Variants in KCNMA1 observed in about 807,000 individuals in gnomAD.
KCNMA1 encodes the protein potassium calcium-activated channel subfamily M alpha 1.
KCNMA1 carries 29 observed loss-of-function variants against 140.0 expected under a neutral mutation model. That is an observed-to-expected ratio of 0.21 (90% CI 0.15 to 0.28). The LOEUF (loss-of-function observed/expected upper bound fraction) is 0.28, where lower values mean the gene tolerates loss of function less well. Among genes scored for constraint, KCNMA1 ranks in the 10% least tolerant of loss-of-function variants. The probability of loss-of-function intolerance (pLI) is 1.00; values close to 1 mark genes in which losing one functional copy is unlikely to be tolerated. For missense variants in KCNMA1, 880 were observed against 1,602.2 expected (o/e 0.55, Z 7.70); for synonymous variants, 612 against 611.9 (o/e 1.00, Z 0.00).
chr10:77,505,871 C>CA (rs1234100036), intron 1 of KCNMA1, among the ~76,000 whole-genome samples: 3 of 152,158 alleles, frequency 2.0e-5, no homozygotes, highest in African/African-American at 7.2e-5. Flanking sequence ...TCAGAAATGA[C>CA]AGAGTCACGA....
chr10:77,055,710 T>C (rs2095520099), intron 14 of KCNMA1, among the ~76,000 whole-genome samples: 1 of 152,172 alleles, frequency 6.6e-6, no homozygotes, highest in Admixed American at 6.5e-5. Flanking sequence ...CTTCTACCAG[T>C]TGGCCCCAGA....
rs896607532 is a variant in KCNMA1 at position 77,464,631 on chromosome 10, A to G, written c.379-60608T>C. 2.6e-5 allele frequency among the ~76,000 whole-genome samples: 4 copies of G among 152,088 alleles called. No individual in the cohort carries two copies. The East Asian group carries it at 7.8e-4, about 30-fold the overall frequency. On this transcript the variant is annotated intron_variant, in intron 1 of 27. Coordinates refer to ENST00000286628, the MANE Select transcript of KCNMA1 (RefSeq NM_001161352.2). Reference sequence around the variant, plus strand: ...GAAATGTGGCTTCTGGGGCTCAGAGAGGTTAAGTGAGTGGGTCAGAGTCAC... The same window carrying G: ...GAAATGTGGCTTCTGGGGCTCAGAGGGGTTAAGTGAGTGGGTCAGAGTCAC...
intron 3 of KCNMA1, among the ~76,000 whole-genome samples, chr10:77,193,432 A>T (rs1053558729): frequency 2.6e-5 from 4 of 152,142 alleles, no homozygotes; most frequent in Non-Finnish European, 5.9e-5. Context: ...TGACTGACCA[A>T]TTCTACTCAC....
chr10:77,556,502 CAAAAA>C (rs11446237), intron 1 of KCNMA1, among the ~76,000 whole-genome samples: 11,048 of 68,634 alleles, frequency 0.16, 544 homozygotes, highest in Middle Eastern at 0.3. Flanking sequence ...GGGACTATCT[CAAAAA>C]AAAAAAAAAA....
At chr10:76,882,472 A>G (rs1216392841), downstream of KCNMA1, among the ~76,000 whole-genome samples, 2 of 151,922 alleles carry the variant, frequency 1.3e-5, no homozygotes, top group Admixed American at 6.6e-5. Flanking sequence ...TGCCCAGCAA[A>G]CCCTGATGCC....
intron 1 of KCNMA1, among the ~76,000 whole-genome samples, chr10:77,539,145 T>C (rs2059598839): frequency 6.6e-6 from 1 of 152,184 alleles, no homozygotes; most frequent in Non-Finnish European, 1.5e-5. Flanking sequence ...AGAGCATATG[T>C]CTCTGAGGAA....
chr10:77,008,142 G>T (rs1477485134), intron 18 of KCNMA1: 1 of 1,521,466 alleles, frequency 6.6e-7, no homozygotes, highest in Middle Eastern at 1.7e-4. Context: ...GAGAAAGACA[G>T]GGGGAACTGG....
rs537787202 is a variant in KCNMA1 at position 77,364,938 on chromosome 10, C to A, written c.540+38924G>T. ...AATAGGAACCGGGCTAGAATCTGAA[C>A]CTGCTTACAAAGCTAGTCCTTTTCC... On this transcript the variant is annotated intron_variant, in intron 2 of 27. Transcript: ENST00000286628. Among the ~76,000 whole-genome samples, 24 of 152,328 alleles carry A rather than the reference C, an allele frequency of 1.6e-4. No homozygotes were observed. In the Middle Eastern group the frequency reaches 0.01, roughly 65 times the overall value.
intron 1 of KCNMA1, among the ~76,000 whole-genome samples, chr10:77,506,074 G>A (rs2045692325): frequency 6.6e-6 from 1 of 152,162 alleles, no homozygotes; most frequent in Admixed American, 6.5e-5. Context: ...TTTCCTCTTA[G>A]GGAATTGTAA....
chr10:77,408,707 AGAGGT>A (rs2096551490), intron 1 of KCNMA1, among the ~76,000 whole-genome samples: 1 of 152,186 alleles, frequency 6.6e-6, no homozygotes, highest in Non-Finnish European at 1.5e-5. Context: ...GAGAAAAATG[AGAGGT>A]GAGGCCATCG....
intron 19 of KCNMA1, among the ~76,000 whole-genome samples, chr10:76,988,433 TGAGAG>T (rs2081878370): frequency 6.6e-6 from 1 of 151,844 alleles, no homozygotes; most frequent in Admixed American, 6.6e-5. Flanking sequence ...GAGGCTGAGG[TGAGAG>T]GATTGCTTGA....
rs535758720 is a variant in KCNMA1 at position 77,307,392 on chromosome 10, C to T, written c.541-56136G>A. ...TCAGAAGAAGCTGTACTTCAAGTAC[C>T]CATACGACCATTTTGTTTCCTACTT... On this transcript the variant is annotated intron_variant, in intron 2 of 27. Coordinates refer to ENST00000286628, the MANE Select transcript of KCNMA1 (RefSeq NM_001161352.2). Among the ~76,000 whole-genome samples the T allele has an allele frequency of 2.6e-5, 4 of 152,260 alleles. No individual in the cohort carries two copies. The East Asian group carries it at 5.8e-4, about 22-fold the overall frequency.
In KCNMA1 at chr10:77,365,700, C is replaced by T. The variant is rs1603425460; in HGVS notation, c.540+38162G>A. Among the ~76,000 whole-genome samples, 6 of 152,274 alleles carry T rather than the reference C, an allele frequency of 3.9e-5. No homozygotes were observed. In the South Asian group the frequency reaches 1.2e-3, roughly 32 times the overall value. On this transcript the variant is annotated intron_variant, in intron 2 of 27. Coordinates refer to ENST00000286628, the MANE Select transcript of KCNMA1 (RefSeq NM_001161352.2). ...CATCCTTTTATAGTGCCGCTTTCAC[C>T]TTGGTGTGTGAACTTGCCGCTGACT...
Position 77,442,275 on chromosome 10 carries a change from CAGG to C in KCNMA1, c.379-38255_379-38253del, listed in dbSNP as rs572863575. Among the ~76,000 whole-genome samples the C allele has an allele frequency of 2.5e-4, 38 of 152,220 alleles. 1 individual carries two copies. The South Asian group carries it at 7.9e-3, about 32-fold the overall frequency. ...GAATGGACTCCTCTGGATCCAGAGC[CAGG>C]AGGTGAGCAGAGCAAATGTTCCCAG... is the stretch of plus-strand genomic sequence containing the variant. On this transcript the variant is annotated intron_variant, in intron 1 of 27. Coordinates refer to ENST00000286628, the MANE Select transcript of KCNMA1 (RefSeq NM_001161352.2).
intron 2 of KCNMA1, among the ~76,000 whole-genome samples, chr10:77,364,316 T>TTA (rs1251304974): frequency 6.6e-6 from 1 of 151,930 alleles, no homozygotes; most frequent in Non-Finnish European, 1.5e-5. Flanking sequence ...CCAGGTATGG[T>TTA]GGTGTGTGCC....
At chr10:77,181,086 A>C (rs1035210744) in intron 5 of KCNMA1, among the ~76,000 whole-genome samples, 1 of 152,186 alleles carries the variant, frequency 6.6e-6, no homozygotes, top group African/African-American at 2.4e-5. Context: ...TCTCCACCAC[A>C]GTCACCAGGG....
chr10:77,463,111 A>G (rs1402972064), intron 1 of KCNMA1, among the ~76,000 whole-genome samples: 1 of 152,070 alleles, frequency 6.6e-6, no homozygotes, highest in African/African-American at 2.4e-5. Flanking sequence ...ACAAGTAAAA[A>G]CCACAGTGAG....
chr10:77,031,077 A>C (rs1415034802), intron 15 of KCNMA1, among the ~76,000 whole-genome samples: 3 of 152,236 alleles, frequency 2.0e-5, no homozygotes, highest in Non-Finnish European at 4.4e-5. Flanking sequence ...GGTCAAGGTC[A>C]ATTGACTTTT....
chr10:77,455,784 C>T (rs74407787), intron 1 of KCNMA1, among the ~76,000 whole-genome samples: 1,626 of 152,324 alleles, frequency 0.011, 30 homozygotes, highest in African/African-American at 0.037. Flanking sequence ...GCAATTCCCT[C>T]CCCCATCACT....
Sources: gnomAD v4.1 joint callset for allele counts (sites outside exome capture counted in the v4.1 genomes callset) on GRCh38, gnomAD v4.1.1 for gene constraint, MANE v1.5 for transcripts, NCBI Gene and HGNC (gene_info 2026-07-23, HGNC 2026-07-21) for gene names.